Variants in COPS5 observed in about 807,000 individuals in gnomAD.
COPS5 encodes COP9 signalosome complex subunit 5.
In COPS5, 8 loss-of-function variants were observed where a neutral mutation model predicts 44.4. That is an observed-to-expected ratio of 0.18 (90% CI 0.11 to 0.32). The LOEUF (loss-of-function observed/expected upper bound fraction) is 0.32. COPS5 is among the 10% of genes least tolerant of loss of function. The pLI is 1.00. For synonymous variants in COPS5, 122 were observed against 142.8 expected, an observed-to-expected ratio of 0.85 and a Z score of 1.04; for missense variants, 159 against 406.4, an observed-to-expected ratio of 0.39 and a Z score of 5.23.
chr8:67,053,526 C>A (rs1346567876), intron 5 of COPS5, among the ~76,000 whole-genome samples: 2 of 149,270 alleles, frequency 1.3e-5, no homozygotes, highest in African/African-American at 2.5e-5. Context: ...CATGGTGAAA[C>A]CCTGTCTCTA....
chr8:67,048,949 T>A (rs1816734814), intron 6 of COPS5, among the ~76,000 whole-genome samples: 1 of 152,236 alleles, frequency 6.6e-6, no homozygotes, highest in African/African-American at 2.4e-5. Flanking sequence ...TAAATAACTT[T>A]CTGAAAGTCA....
At chr8:67,058,985 C>T (rs1369869489) in intron 2 of COPS5, among the ~76,000 whole-genome samples, 3 of 148,960 alleles carry the variant, frequency 2.0e-5, no homozygotes, top group Admixed American at 1.3e-4. Flanking sequence ...GCCTGGGCAA[C>T]AGAGTGAGTC....
At position 67,056,648 on chromosome 8, in the gene COPS5, AAAAAATATATATATATATATAT is replaced by A. The variant is rs1435445007; in HGVS notation, c.574-66_574-45del. Reference sequence around the variant, plus strand: ...AACAGAAGATTAAGAAAAAAAAAAAAAAAAATATATATATATATATATATATATATATATATATATATATATA... The same window carrying A: ...AACAGAAGATTAAGAAAAAAAAAAAAATATATATATATATATATATATATA... On this transcript the variant is annotated intron_variant, in intron 4 of 7. Coordinates refer to ENST00000357849, the MANE Select transcript of COPS5 (RefSeq NM_006837.3). The A allele has an allele frequency of 4.3e-4, 38 of 88,814 alleles. 3 individuals are homozygous for A. The highest frequency in any genetic ancestry group is 2.6e-3 in the South Asian group (7 of 2,702). 5.5% of individuals were successfully genotyped at this position (88,814 alleles called of 1,614,324 possible).
chr8:67,055,649 C>T (rs552274866), intron 5 of COPS5, among the ~76,000 whole-genome samples: 60 of 152,128 alleles, frequency 3.9e-4, no homozygotes, highest in African/African-American at 1.3e-3. Context: ...GGGTGGATCA[C>T]GAGGTCAGGA....
intron 7 of COPS5, chr8:67,043,537 C>A: frequency 2.8e-6 from 1 of 357,644 alleles, no homozygotes; most frequent in Non-Finnish European, 5.0e-6. Flanking sequence ...AGAATGACAA[C>A]GTAAAATTTG....
In COPS5 at chr8:67,051,246, G is replaced by T; in HGVS notation, c.755C>A (p.Ser252Tyr). The stretch of plus-strand genomic sequence containing the variant: ...AGTACTTACAGTAAGCAAGCTAGAA[G>T]AACTCAACGTATTCACCCAGTATTT... Reference protein sequence around the residue: ...WNKYWVNTLSSSSLLTNADYT... With the variant: ...WNKYWVNTLSYSSLLTNADYT... Residue 252 changes from serine (S) to tyrosine (Y), a missense_variant, in exon 6 of 8, where the codon TCT becomes TAT. Ser to Tyr is a moderately radical substitution (Grantham distance 144, BLOSUM62 -2). Transcript: ENST00000357849. 1 of 1,602,880 alleles carries T rather than the reference G, an allele frequency of 6.2e-7. No individual in the cohort carries two copies.
intron 5 of COPS5, among the ~76,000 whole-genome samples, chr8:67,054,732 A>G (rs190390602): frequency 2.2e-4 from 33 of 152,372 alleles, no homozygotes; most frequent in African/African-American, 7.9e-4. Context: ...TATTCTTTGA[A>G]GTTGGCATAA....
rs766493793 is a variant in COPS5, at chr8:67,051,243, G to C, written c.758C>G (p.Ser253Cys). 6 of 1,600,026 alleles carry C rather than the reference G, an allele frequency of 3.7e-6. No individual in the cohort carries two copies. The Admixed American group carries it at 6.7e-5, about 18-fold the overall frequency. ...NKYWVNTLSSSSLLTNADYTT... is the reference protein window; with the variant it reads ...NKYWVNTLSSCSLLTNADYTT... ...TATAGTACTTACAGTAAGCAAGCTA[G>C]AAGAACTCAACGTATTCACCCAGTA... Residue 253 changes from serine (S) to cysteine (C), a missense_variant, in exon 6 of 8, where the codon TCT (serine) becomes TGT (cysteine). Transcript: ENST00000357849.
chr8:67,049,283 C>T (rs982494304), intron 6 of COPS5, among the ~76,000 whole-genome samples: 4 of 152,044 alleles, frequency 2.6e-5, no homozygotes, highest in African/African-American at 9.7e-5. Flanking sequence ...GGCAACGTGG[C>T]AAAACCCTGT....
intron 5 of COPS5, among the ~76,000 whole-genome samples, chr8:67,052,656 G>A (rs542396830): frequency 1.3e-5 from 2 of 151,818 alleles, no homozygotes; most frequent in East Asian, 3.9e-4. Flanking sequence ...AACCTCAGGT[G>A]ATCTGCCCGC....
intron 2 of COPS5, 90 bp from the exon 3 acceptor site, chr8:67,058,301 A>C (rs1340830162): frequency 7.7e-7 from 1 of 1,301,982 alleles, no homozygotes; most frequent in Non-Finnish European, 1.1e-6. Context: ...TCTCCTTCCC[A>C]TCTCCTTCTC....
At chr8:67,061,812 C>A in intron 1 of COPS5, 42 bp downstream of exon 1, 1 of 1,606,132 alleles carries the variant, frequency 6.2e-7, no homozygotes, top group Non-Finnish European at 8.5e-7. Flanking sequence ...TTAAACTCCG[C>A]CACCCTTTCC....
At chr8:67,056,349 A>C (rs1447561128) in intron 5 of COPS5, among the ~76,000 whole-genome samples, 170 bp downstream of exon 5, 2 of 151,790 alleles carry the variant, frequency 1.3e-5, no homozygotes, top group Non-Finnish European at 2.9e-5. Flanking sequence ...GTGCCACTTC[A>C]TCTGGCTAAC....
chr8:67,043,440 A>C, intron 7 of COPS5, 123 bp from the exon 8 acceptor site: 1 of 543,772 alleles, frequency 1.8e-6, no homozygotes. Flanking sequence ...TTCTCAAACC[A>C]CCCCAATCTG....
chr8:67,056,431 G>T, intron 5 of COPS5, 88 bp downstream of exon 5: 2 of 438,202 alleles, frequency 4.6e-6, no homozygotes, highest in Non-Finnish European at 8.7e-6. Flanking sequence ...CTGTCCTCAA[G>T]CAATCCTCTC....
In COPS5 at chr8:67,062,068, G is replaced by A; in HGVS notation, c.-72C>T. 6.2e-7 allele frequency: 1 copy of A among 1,608,128 alleles called. No homozygotes were observed. The highest frequency in any genetic ancestry group is 8.5e-7 in the Non-Finnish European group (1 of 1,178,238). Reference sequence around the variant, plus strand: ...TTTACCTCGCTAGGTTTCCGGGTGTGGGCCTTGACCCTCCGCACCACGGGA... The same window carrying A: ...TTTACCTCGCTAGGTTTCCGGGTGTAGGCCTTGACCCTCCGCACCACGGGA... On this transcript the variant is annotated 5_prime_UTR_variant, in exon 1 of 8. Coordinates refer to ENST00000357849, the MANE Select transcript of COPS5 (RefSeq NM_006837.3).
chr8:67,050,756 G>A (rs562951543), intron 6 of COPS5, among the ~76,000 whole-genome samples: 41 of 138,788 alleles, frequency 3.0e-4, no homozygotes, highest in Middle Eastern at 7.0e-3. Context: ...TGAAATCAAT[G>A]CTAAGAGAAA....
rs1804552822 is a variant in COPS5 at position 67,059,191 on chromosome 8, A to G, written c.378+20T>C. 2 of 1,590,672 alleles carry G rather than the reference A, an allele frequency of 1.3e-6. No individual in the cohort carries two copies. Among genetic ancestry groups the G allele is most frequent in the Non-Finnish European group, 1.7e-6 (2 of 1,159,300 alleles). On this transcript the variant is annotated intron_variant, in intron 2 of 7. Transcript: ENST00000357849. Reference sequence around the variant, plus strand: ...GACTCTAACTTGCAATTACTAAACTATAAGAAACAACATTTTTACCTGTTT... The same window carrying G: ...GACTCTAACTTGCAATTACTAAACTGTAAGAAACAACATTTTTACCTGTTT...
At chr8:67,057,271 C>A in intron 4 of COPS5, 109 bp downstream of exon 4, 1 of 545,582 alleles carries the variant, frequency 1.8e-6, no homozygotes. Context: ...TTGGCTTGAG[C>A]CTAGGCGATG....
Sources: gnomAD v4.1 joint callset for allele counts (sites outside exome capture counted in the v4.1 genomes callset) on GRCh38, gnomAD v4.1.1 for gene constraint, MANE v1.5 for transcripts, NCBI Gene and HGNC (gene_info 2026-07-23, HGNC 2026-07-21) for gene names.